ANKRD36: variants seen among roughly 807,000 people sequenced by gnomAD.
ANKRD36 encodes the protein ankyrin repeat domain 36, also known as ankyrin repeat domain-containing protein 36A.
Under a neutral mutation model 278.1 loss-of-function variants are expected in ANKRD36, and 179 were observed. The ratio of observed to expected loss-of-function variants is 0.64; its 90% CI spans 0.57 to 0.73. ANKRD36 has a LOEUF of 0.73. Ranked by LOEUF, ANKRD36 falls within the 30% of genes least tolerant of loss-of-function variation. The pLI, the probability that ANKRD36 is intolerant of heterozygous loss-of-function variation, is 0.00. For synonymous variants in ANKRD36, 320 were observed against 641.1 expected, an observed-to-expected ratio of 0.50 and a Z score of 7.57; for missense variants, 1,159 against 1,956.7, an observed-to-expected ratio of 0.59 and a Z score of 7.69.
intron 36 of ANKRD36, 96 bp from the exon 37 acceptor site, chr2:97,192,762 G>T: frequency 6.9e-7 from 1 of 1,459,830 alleles, no homozygotes; most frequent in Non-Finnish European, 9.5e-7. Context: ...GCTAATACAG[G>T]CAGGAGAACA....
intron 64 of ANKRD36, among the ~76,000 whole-genome samples, chr2:97,218,815 G>A (rs1576220531): frequency 6.6e-6 from 1 of 150,698 alleles, no homozygotes; most frequent in African/African-American, 2.5e-5. Flanking sequence ...TTTAGCAATA[G>A]ATGTGGTGCA....
At chr2:97,204,034 A>G (rs1363880142) in intron 48 of ANKRD36, 34 bp from the exon 49 acceptor site, 5 of 1,557,366 alleles carry the variant, frequency 3.2e-6, no homozygotes, top group East Asian at 2.4e-5. Context: ...TCATTTTTAC[A>G]TATGAGTGAT....
In ANKRD36 at chr2:97,224,177, AC is replaced by A. The variant is rs2068573944; in HGVS notation, c.3878-628del. ...GTGAAGTAAAGAACAGTGTGCTGTT[AC>A]TTTTTCTGTTTCTATTGGATTTTTA... On this transcript the variant is annotated intron_variant, in intron 66 of 75. Transcript: ENST00000420699. Among the ~76,000 whole-genome samples, 3 of 150,908 alleles carry A rather than the reference AC, an allele frequency of 2.0e-5. No homozygotes were observed. In the South Asian group the frequency reaches 6.6e-4, roughly 33 times the overall value.
At chr2:97,182,830 A>G (rs979654382) in intron 26 of ANKRD36, among the ~76,000 whole-genome samples, 5 of 151,634 alleles carry the variant, frequency 3.3e-5, no homozygotes, top group African/African-American at 1.2e-4. Context: ...CTGTAGCCTA[A>G]ACTAGAGGAC....
chr2:97,135,823 T>C, intron 6 of ANKRD36, among the ~76,000 whole-genome samples: 1 of 152,018 alleles, frequency 6.6e-6, no homozygotes, highest in Non-Finnish European at 1.5e-5. Context: ...AACCTTATGA[T>C]GTGTATACAT....
At chr2:97,182,431 CTT>C (rs1381301741) in intron 26 of ANKRD36, among the ~76,000 whole-genome samples, 1 of 145,864 alleles carries the variant, frequency 6.9e-6, no homozygotes, top group African/African-American at 2.5e-5. Context: ...CATTACTCCT[CTT>C]TGTTACTGTT....
intron 6 of ANKRD36, among the ~76,000 whole-genome samples, chr2:97,141,359 A>G (rs1313856213): frequency 1.4e-5 from 2 of 142,878 alleles, no homozygotes; most frequent in Non-Finnish European, 3.0e-5. Context: ...TTTGACATGT[A>G]TGTTTTTGCA....
intron 66 of ANKRD36, among the ~76,000 whole-genome samples, chr2:97,223,117 TTGA>T (rs2068243666): frequency 6.8e-6 from 1 of 148,006 alleles, no homozygotes; most frequent in African/African-American, 2.6e-5. Context: ...TTTTTTTTTT[TTGA>T]GACAGAGTCT....
intron 14 of ANKRD36, among the ~76,000 whole-genome samples, chr2:97,154,231 T>C (rs2046871709): frequency 6.8e-6 from 1 of 147,258 alleles, no homozygotes; most frequent in African/African-American, 2.4e-5. Flanking sequence ...GAATCAGAAA[T>C]AGATAATGGA....
intron 75 of ANKRD36, among the ~76,000 whole-genome samples, chr2:97,262,627 T>A (rs1480381068): frequency 2.2e-5 from 3 of 134,558 alleles, no homozygotes; most frequent in Non-Finnish European, 1.5e-5. Flanking sequence ...CAAGATTTGA[T>A]CCCCAATGTT....
intron 58 of ANKRD36, 120 bp downstream of exon 58, chr2:97,211,861 T>C (rs2064743063): frequency 3.1e-6 from 4 of 1,281,410 alleles, no homozygotes; most frequent in Non-Finnish European, 1.1e-6. Flanking sequence ...ATTCCTGAGA[T>C]TATTCATTTG....
intron 22 of ANKRD36, among the ~76,000 whole-genome samples, chr2:97,173,643 T>C (rs991460261): frequency 6.6e-6 from 1 of 151,808 alleles, no homozygotes; most frequent in Non-Finnish European, 1.5e-5. Flanking sequence ...ATATGGATGT[T>C]AGATTTATGA....
At chr2:97,146,392 A>G (rs1444232845) in intron 10 of ANKRD36, 94 bp from the exon 11 acceptor site, 1 of 1,084,470 alleles carries the variant, frequency 9.2e-7, no homozygotes, top group Non-Finnish European at 1.3e-6. Flanking sequence ...AGTAGCTGAG[A>G]TTATAGGAAC....
chr2:97,185,160 G>A (rs760854784), intron 28 of ANKRD36, among the ~76,000 whole-genome samples, 156 bp from the exon 29 acceptor site: 4 of 151,462 alleles, frequency 2.6e-5, no homozygotes, highest in South Asian at 4.2e-4. Context: ...TTTTTTTTCA[G>A]TGTATTTCTG....
chr2:97,195,612 A>T (rs527606783), intron 40 of ANKRD36, among the ~76,000 whole-genome samples: 1 of 152,130 alleles, frequency 6.6e-6, no homozygotes, highest in African/African-American at 2.4e-5. Flanking sequence ...TATTTTGTTG[A>T]TTTTAGTTAT....
chr2:97,219,710 AC>A (rs1261196099), intron 66 of ANKRD36, among the ~76,000 whole-genome samples: 1 of 136,186 alleles, frequency 7.3e-6, no homozygotes, highest in African/African-American at 2.9e-5. Flanking sequence ...TGAGCTCTCG[AC>A]CTCAGGTGAT....
At chr2:97,193,341 C>A (rs2058955220) in intron 38 of ANKRD36, among the ~76,000 whole-genome samples, 1 of 135,830 alleles carries the variant, frequency 7.4e-6, no homozygotes, top group African/African-American at 2.6e-5. Flanking sequence ...CTTTAATTCT[C>A]CAGCTTGTTT....
chr2:97,166,913 A>C (rs1369921016), intron 20 of ANKRD36, among the ~76,000 whole-genome samples: 1 of 152,268 alleles, frequency 6.6e-6, no homozygotes, highest in East Asian at 1.9e-4. Context: ...TTTAGGGTAC[A>C]TGTGCACAAT....
At position 97,194,600 on chromosome 2, in the gene ANKRD36, T is replaced by C; in HGVS notation, c.2450-126T>C. 30 of 1,533,734 alleles carry C rather than the reference T, an allele frequency of 2.0e-5. 1 individual carries two copies. In the South Asian group the frequency reaches 3.5e-4, roughly 18 times the overall value. ...CATGTTCTGGTCCCCAGACAGAAAG[T>C]AGAAGCCATCAAAGCGTACACTAAT... On this transcript the variant is annotated intron_variant, in intron 38 of 75. Transcript: ENST00000420699.
Sources: gnomAD v4.1 joint callset for allele counts (sites outside exome capture counted in the v4.1 genomes callset) on GRCh38, gnomAD v4.1.1 for gene constraint, MANE v1.5 for transcripts, NCBI Gene and HGNC (gene_info 2026-07-23, HGNC 2026-07-21) for gene names.